The following ITGA9 variants were observed in gnomAD, a reference collection of about 807,000 sequenced individuals.
ITGA9 encodes the protein integrin alpha-9.
In ITGA9, 56 loss-of-function variants were observed where a neutral mutation model predicts 127.8. The ratio of observed to expected loss-of-function variants is 0.44; its 90% CI spans 0.35 to 0.55. ITGA9 has a LOEUF of 0.55. Ranked by LOEUF, ITGA9 falls within the 20% of genes least tolerant of loss-of-function variation. ITGA9 has a pLI of 0.00. For synonymous variants in ITGA9, 508 were observed against 514.5 expected (o/e 0.99, Z 0.17); for missense variants, 1,196 against 1,347.1 (o/e 0.89, Z 1.76).
intron 27 of ITGA9, among the ~76,000 whole-genome samples, chr3:37,815,885 G>A (rs749180647): frequency 1.3e-5 from 2 of 152,110 alleles, no homozygotes; most frequent in East Asian, 1.9e-4. Context: ...GTGCCTCTGC[G>A]GGCAGCTGGG....
rs1185653498 is a variant in ITGA9 at position 37,804,766 on chromosome 3, G to C, written c.3009+824G>C. Among the ~76,000 whole-genome samples, 4 of 151,950 alleles carry C rather than the reference G, an allele frequency of 2.6e-5. No homozygotes were observed. In the East Asian group the frequency reaches 7.7e-4, roughly 29 times the overall value. On this transcript the variant is annotated intron_variant, in intron 27 of 27. Coordinates refer to ENST00000264741, the MANE Select transcript of ITGA9 (RefSeq NM_002207.3). ...AACAGCCTCTTAGAGTATTATAGAT[G>C]GATATTTTAAAATAAGACAACTAAT...
At chr3:37,591,547 T>G (rs1699818401) in intron 15 of ITGA9, among the ~76,000 whole-genome samples, 1 of 152,074 alleles carries the variant, frequency 6.6e-6, no homozygotes, top group Admixed American at 6.6e-5. Context: ...GAGGAAGATT[T>G]CTCTGGGGGG....
At chr3:37,732,644 C>T (rs868103579) in intron 18 of ITGA9, 68 bp from the exon 19 acceptor site, 27 of 1,188,256 alleles carry the variant, frequency 2.3e-5, no homozygotes, top group Middle Eastern at 2.0e-4. Flanking sequence ...TCGATTGCCC[C>T]GTGGAGCCTG....
chr3:37,783,832 T>C (rs1697007207), intron 25 of ITGA9, among the ~76,000 whole-genome samples: 1 of 152,214 alleles, frequency 6.6e-6, no homozygotes, highest in Non-Finnish European at 1.5e-5. Flanking sequence ...TATGGTTGTT[T>C]TAAGAAAAGA....
At chr3:37,633,395 T>C (rs1700245190) in intron 16 of ITGA9, among the ~76,000 whole-genome samples, 4 of 152,312 alleles carry the variant, frequency 2.6e-5, no homozygotes, top group Admixed American at 2.6e-4. Context: ...CTGCTGAATA[T>C]CATTGCCTAG....
intron 14 of ITGA9, among the ~76,000 whole-genome samples, chr3:37,538,691 T>A (rs1483444704): frequency 6.6e-6 from 1 of 152,160 alleles, no homozygotes; most frequent in African/African-American, 2.4e-5. Context: ...CCTTTACCAG[T>A]GGGTGCTGGT....
At chr3:37,779,769 C>G in intron 24 of ITGA9, 133 bp from the exon 25 acceptor site, 1 of 850,018 alleles carries the variant, frequency 1.2e-6, no homozygotes, top group Non-Finnish European at 1.9e-6. Context: ...AGAACGATTG[C>G]ATCTTCTTGT....
At chr3:37,585,557 T>C in intron 15 of ITGA9, 1 of 503,990 alleles carries the variant, frequency 2.0e-6, no homozygotes, top group Non-Finnish European at 4.0e-6. Flanking sequence ...TTCTTTCAAG[T>C]ACAACATTTT....
chr3:37,614,007 G>A, intron 15 of ITGA9, among the ~76,000 whole-genome samples: 1 of 152,110 alleles, frequency 6.6e-6, no homozygotes, highest in Admixed American at 6.5e-5. Context: ...TGTTGCCATT[G>A]CTTTTGGTGT....
chr3:37,546,717 G>A (rs1699329800), intron 15 of ITGA9, among the ~76,000 whole-genome samples: 1 of 152,196 alleles, frequency 6.6e-6, no homozygotes, highest in South Asian at 2.1e-4. Context: ...GGGTCACAAA[G>A]GCTTCTGATA....
chr3:37,727,056 C>T (rs900543669), intron 18 of ITGA9, among the ~76,000 whole-genome samples: 2 of 152,194 alleles, frequency 1.3e-5, no homozygotes, highest in African/African-American at 2.4e-5. Context: ...CATTAACCTA[C>T]AGTTGGGCAG....
At chr3:37,570,872 A>G (rs1179886127) in intron 15 of ITGA9, among the ~76,000 whole-genome samples, 1 of 152,188 alleles carries the variant, frequency 6.6e-6, no homozygotes, top group Non-Finnish European at 1.5e-5. Context: ...AAATTCAGTG[A>G]TCTAAATCAG....
chr3:37,758,329 C>CAAAAAAAAAAAAAAA lies in ITGA9; in HGVS notation c.2541+7770_2541+7784dup, dbSNP rs57505967. 1.4e-3 allele frequency among the ~76,000 whole-genome samples: 90 copies of CAAAAAAAAAAAAAAA among 65,984 alleles called. 3 individuals are homozygous for CAAAAAAAAAAAAAAA. The highest frequency in any genetic ancestry group is 4.7e-3 in the African/African-American group (71 of 15,044). 43.3% of individuals were successfully genotyped at this position (65,984 alleles called of 152,430 possible). A position where few individuals can be genotyped will look rare whatever the true frequency, so the allele number is the denominator to read the frequency against. On this transcript the variant is annotated intron_variant, in intron 23 of 27. Coordinates refer to ENST00000264741, the MANE Select transcript of ITGA9 (RefSeq NM_002207.3). ...TGGGCGACAGAGCGAGACTCCGTCTCAAAAAAAAAAAAAAAAAAAAAAAAT... is the reference window on the plus strand; with the variant it reads ...TGGGCGACAGAGCGAGACTCCGTCTCAAAAAAAAAAAAAAAAAAAAAAAAAAAAAAAAAAAAAAAT...
chr3:37,501,933 G>A (rs1698790448), intron 5 of ITGA9, among the ~76,000 whole-genome samples: 1 of 152,156 alleles, frequency 6.6e-6, no homozygotes, highest in Non-Finnish European at 1.5e-5. Context: ...CTGTACTCTT[G>A]GAAAACAGTG....
chr3:37,728,688 C>T (rs1051896916), intron 18 of ITGA9, among the ~76,000 whole-genome samples: 3 of 151,800 alleles, frequency 2.0e-5, no homozygotes, highest in Admixed American at 6.6e-5. Flanking sequence ...GCTTTCTCCT[C>T]ATCCTCCTTT....
At chr3:37,652,058 G>A (rs574253477) in intron 16 of ITGA9, among the ~76,000 whole-genome samples, 3 of 151,998 alleles carry the variant, frequency 2.0e-5, no homozygotes, top group African/African-American at 7.2e-5. Context: ...TGAGGGGACT[G>A]TACACTAGGG....
chr3:37,621,627 A>G (rs1001189257), intron 15 of ITGA9, among the ~76,000 whole-genome samples: 1 of 152,126 alleles, frequency 6.6e-6, no homozygotes, highest in African/African-American at 2.4e-5. Context: ...CCAGCTACAT[A>G]TTGTTTTACC....
intron 26 of ITGA9, among the ~76,000 whole-genome samples, chr3:37,788,131 C>A (rs538977340): frequency 6.6e-6 from 1 of 152,338 alleles, no homozygotes; most frequent in African/African-American, 2.4e-5. Context: ...CTCAGCATTA[C>A]TACAAATGCC....
At chr3:37,703,339 C>T (rs1232440926) in intron 18 of ITGA9, among the ~76,000 whole-genome samples, 1 of 152,154 alleles carries the variant, frequency 6.6e-6, no homozygotes, top group Non-Finnish European at 1.5e-5. Context: ...GAGGCCCAAT[C>T]CAGTTCAGTT....
Sources: allele counts gnomAD v4.1 joint callset (sites outside exome capture counted in the v4.1 genomes callset), GRCh38; gene constraint gnomAD v4.1.1; transcripts MANE v1.5; gene names NCBI Gene and HGNC (gene_info 2026-07-23, HGNC 2026-07-21).